ABCA12: variants seen among roughly 807,000 people sequenced by gnomAD.
ABCA12 encodes the protein glucosylceramide transporter ABCA12.
ABCA12 carries 156 observed loss-of-function variants against 293.5 expected under a neutral mutation model. The ratio of observed to expected loss-of-function variants is 0.53; its 90% CI spans 0.47 to 0.61. The LOEUF (loss-of-function observed/expected upper bound fraction) is 0.61. Ranked by LOEUF, ABCA12 falls within the 20% of genes least tolerant of loss-of-function variation. The pLI is 0.00. For missense variants in ABCA12, 2,797 were observed against 3,090.2 expected (o/e 0.91, Z 2.25); for synonymous variants, 1,063 against 1,108.0 (o/e 0.96, Z 0.81).
chr2:214,953,853 C>T lies in ABCA12; in HGVS notation c.6647+1G>A. ...AAACGTTATGTTTTCATTATATTTA[C>T]CTGAGTTTCTTTATCAGGGATTCGT... is the stretch of plus-strand genomic sequence containing the variant. On this transcript the variant is annotated splice_donor_variant, in intron 44 of 52. Transcript: ENST00000272895. LOFTEE classifies it high-confidence loss of function. The T allele has an allele frequency of 1.2e-6, 2 of 1,613,416 alleles. No individual in the cohort carries two copies. Among genetic ancestry groups the T allele is most frequent in the Non-Finnish European group, 1.7e-6 (2 of 1,179,708 alleles).
At chr2:214,942,469 G>C (rs1470167293) in intron 50 of ABCA12, among the ~76,000 whole-genome samples, 1 of 152,064 alleles carries the variant, frequency 6.6e-6, no homozygotes, top group Non-Finnish European at 1.5e-5. Context: ...ATGTATTCTT[G>C]ATTAAAAGGT....
chr2:215,018,530 G>T (rs1166892540), intron 13 of ABCA12, among the ~76,000 whole-genome samples: 1 of 151,930 alleles, frequency 6.6e-6, no homozygotes, highest in Non-Finnish European at 1.5e-5. Flanking sequence ...GTCAATTTAG[G>T]ACAAAGTTTG....
intron 48 of ABCA12, among the ~76,000 whole-genome samples, chr2:214,946,698 T>G (rs1447119716): frequency 6.6e-6 from 1 of 152,136 alleles, no homozygotes; most frequent in African/African-American, 2.4e-5. Context: ...TGGAGGTCCT[T>G]GAATGAACGG....
Position 214,947,801 on chromosome 2 carries a change from G to A in ABCA12, c.7105-245C>T, listed in dbSNP as rs1559107332. 62 of 473,772 alleles carry A rather than the reference G, an allele frequency of 1.3e-4. 1 individual carries two copies. Among genetic ancestry groups the A allele is most frequent in the South Asian group, 1.3e-3 (58 of 46,050 alleles). 29.3% of individuals were successfully genotyped at this position (473,772 alleles called of 1,614,324 possible). ...GATGGGATTCCCTCCCCCACCAAAC[G>A]TGTGTGTGTGTTTACAATTGCAGAT... is the stretch of plus-strand genomic sequence containing the variant. On this transcript the variant is annotated intron_variant, in intron 47 of 52. Transcript: ENST00000272895.
At chr2:214,973,173 C>A (rs1024846243) in intron 36 of ABCA12, among the ~76,000 whole-genome samples, 5 of 152,054 alleles carry the variant, frequency 3.3e-5, no homozygotes, top group Admixed American at 3.3e-4. Context: ...CTTTTTGGGT[C>A]CCAACTCTTA....
At position 214,958,391 on chromosome 2, in the gene ABCA12, G is replaced by A. The variant is rs146471691; in HGVS notation, c.6003C>T (p.Thr2001=). Residue 2001 remains threonine (T), a synonymous_variant, in exon 41 of 53, where the codon ACC becomes ACT. Coordinates refer to ENST00000272895, the MANE Select transcript of ABCA12 (RefSeq NM_173076.3). ...LSILMGYSVT[T]ASFVTYVVRE... ...TTACAACATAGGTGACAAAGCTGGC[G>A]GTGGTGACAGAGTAGCCCATCAAGA... 1.2e-4 allele frequency: 192 copies of A among 1,613,862 alleles called. No homozygotes were observed. Among genetic ancestry groups the A allele is most frequent in the Non-Finnish European group, 1.5e-4 (182 of 1,179,928 alleles).
chr2:214,997,537 C>T (rs1183533792), intron 23 of ABCA12, among the ~76,000 whole-genome samples, 158 bp downstream of exon 23: 1 of 152,040 alleles, frequency 6.6e-6, no homozygotes, highest in African/African-American at 2.4e-5. Flanking sequence ...AAAATATTGC[C>T]TTATCAGCTG....
chr2:214,997,792 G>A lies in ABCA12; in HGVS notation c.3197C>T (p.Ser1066Phe), dbSNP rs759821107. ...FMKDNFLTSV[S>F]YSLPIVLMVA... ...CATAAGCACAATTGGAAGAGAATAAGAGACACTGGTTAGGAAGCTGTAAAA... is the reference window on the plus strand; with the variant it reads ...CATAAGCACAATTGGAAGAGAATAAAAGACACTGGTTAGGAAGCTGTAAAA... The change falls in exon 23 of 53, where the codon TCT becomes TTT. Residue 1066 changes from serine to phenylalanine, a missense_variant. Transcript: ENST00000272895. The A allele has an allele frequency of 6.2e-7, 1 of 1,611,784 alleles. No individual in the cohort carries two copies. The highest frequency in any genetic ancestry group is 2.2e-5 in the East Asian group (1 of 44,764).
chr2:215,014,734 A>G (rs961772677), intron 15 of ABCA12, among the ~76,000 whole-genome samples: 4 of 152,230 alleles, frequency 2.6e-5, no homozygotes, highest in Admixed American at 2.6e-4. Flanking sequence ...TAACTAGTCC[A>G]AAACATTTTT....
chr2:215,102,151 T>C (rs950259246), intron 2 of ABCA12, among the ~76,000 whole-genome samples: 1 of 152,246 alleles, frequency 6.6e-6, no homozygotes, highest in Non-Finnish European at 1.5e-5. Flanking sequence ...GTTGAGATTA[T>C]GCATGACTTC....
rs1164939444 is a variant in ABCA12, at chr2:215,033,210, T to C, written c.986-1314A>G. The stretch of plus-strand genomic sequence containing the variant: ...ATGGGATGCCCAGAATAAACAAACC[T>C]AATTAACAATAGTAATACCTATTAT... On this transcript the variant is annotated intron_variant, in intron 8 of 52. Transcript: ENST00000272895. 3.3e-5 allele frequency among the ~76,000 whole-genome samples: 5 copies of C among 152,226 alleles called. No homozygotes were observed. The East Asian group carries it at 9.6e-4, about 29-fold the overall frequency.
intron 26 of ABCA12, among the ~76,000 whole-genome samples, chr2:214,989,020 A>AGT (rs1699849300): frequency 6.6e-6 from 1 of 150,540 alleles, no homozygotes; most frequent in African/African-American, 2.4e-5. Flanking sequence ...CTCTATTAAA[A>AGT]ATACAAAAAT....
chr2:214,937,160 A>G (rs899247555), intron 51 of ABCA12, among the ~76,000 whole-genome samples: 4 of 152,098 alleles, frequency 2.6e-5, no homozygotes, highest in Admixed American at 6.6e-5. Context: ...ATCAAAAGGC[A>G]AGATAATCAC....
intron 2 of ABCA12, chr2:215,082,774 T>A (rs769283621): frequency 3.9e-5 from 6 of 152,340 alleles, no homozygotes; most frequent in Non-Finnish European, 8.8e-5. Flanking sequence ...CTGTTATTTA[T>A]CTTAAAGAGT....
chr2:215,137,835 T>C (rs1356705411), intron 1 of ABCA12, among the ~76,000 whole-genome samples: 1 of 152,230 alleles, frequency 6.6e-6, no homozygotes, highest in Non-Finnish European at 1.5e-5. Context: ...GAAAGCCTTT[T>C]GGCTTGAAAC....
At chr2:214,945,579 C>T (rs4673920) in intron 48 of ABCA12, among the ~76,000 whole-genome samples, 75,397 of 151,948 alleles carry the variant, frequency 0.5, 19,792 homozygotes, top group African/African-American at 0.68. Context: ...TAATTGAAAT[C>T]TAACACTCCT....
intron 8 of ABCA12, among the ~76,000 whole-genome samples, chr2:215,033,959 TA>T (rs1028403691): frequency 1.3e-5 from 2 of 151,588 alleles, no homozygotes; most frequent in East Asian, 3.9e-4. Flanking sequence ...AAAATAAAAA[TA>T]AAAAAATAAA....
chr2:215,135,137 A>C (rs1372458271), intron 1 of ABCA12, among the ~76,000 whole-genome samples: 7 of 151,854 alleles, frequency 4.6e-5, no homozygotes. Context: ...TAATTTTTGT[A>C]TATTTTTAGT....
chr2:215,074,666 A>G (rs1559179346), intron 2 of ABCA12, among the ~76,000 whole-genome samples: 1 of 152,280 alleles, frequency 6.6e-6, no homozygotes, highest in East Asian at 1.9e-4. Context: ...TAAATAGGCC[A>G]GGCGTGGAGG....
Sources: allele counts gnomAD v4.1 joint callset (sites outside exome capture counted in the v4.1 genomes callset), GRCh38; gene constraint gnomAD v4.1.1; transcripts MANE v1.5; gene names NCBI Gene and HGNC (gene_info 2026-07-23, HGNC 2026-07-21).